EEF1AKMT2: variants seen among roughly 807,000 people sequenced by gnomAD.
EEF1AKMT2 encodes eukaryotic translation elongation factor 1 alpha lysine methyltransferase 2.
Under a neutral mutation model 35.8 loss-of-function variants are expected in EEF1AKMT2, and 32 were observed. The ratio of observed to expected loss-of-function variants is 0.89; its 90% CI spans 0.67 to 1.20. The LOEUF is 1.20. Among genes scored for constraint, EEF1AKMT2 ranks in the 50% most tolerant of loss-of-function variants. The pLI, the probability that EEF1AKMT2 is intolerant of heterozygous loss-of-function variation, is 0.00. For missense variants in EEF1AKMT2, 330 were observed against 347.5 expected (o/e 0.95, Z 0.40); for synonymous variants, 121 against 133.7 (o/e 0.91, Z 0.65).
rs2134131227 is a variant in EEF1AKMT2 at position 124,774,560 on chromosome 10, A to G, written c.399+115T>C. 7.6e-6 allele frequency: 4 copies of G among 523,486 alleles called. No individual in the cohort carries two copies. The South Asian group carries it at 2.3e-4, about 30-fold the overall frequency. 32.4% of individuals were successfully genotyped at this position (523,486 alleles called of 1,614,324 possible). On this transcript the variant is annotated intron_variant, in intron 4 of 6. Coordinates refer to ENST00000368836, the MANE Select transcript of EEF1AKMT2 (RefSeq NM_212554.4). ...AATATGGCTATTTAAAAATGTTTCAATTTGTATTATTTATGATTGATCCCT... is the reference window on the plus strand; with the variant it reads ...AATATGGCTATTTAAAAATGTTTCAGTTTGTATTATTTATGATTGATCCCT...
intron 3 of EEF1AKMT2, among the ~76,000 whole-genome samples, chr10:124,780,803 A>G (rs760624235): frequency 6.6e-6 from 1 of 152,218 alleles, no homozygotes; most frequent in Non-Finnish European, 1.5e-5. Context: ...AAGCCACAGC[A>G]CACATCATAA....
chr10:124,787,345 A>C (rs1052853817), intron 3 of EEF1AKMT2, among the ~76,000 whole-genome samples: 1 of 146,106 alleles, frequency 6.8e-6, no homozygotes, highest in Non-Finnish European at 1.5e-5. Flanking sequence ...AGGCACGAGA[A>C]CCACTTGAAC....
chr10:124,765,757 T>A, intron 4 of EEF1AKMT2, 149 bp from the exon 5 acceptor site: 1 of 612,864 alleles, frequency 1.6e-6, no homozygotes, highest in South Asian at 2.1e-5. Context: ...ACTTTATAGC[T>A]AACTTTTATG....
At chr10:124,774,583 C>A (rs888216272) in intron 4 of EEF1AKMT2, 92 bp downstream of exon 4, 1 of 606,084 alleles carries the variant, frequency 1.6e-6, no homozygotes, top group Non-Finnish European at 2.4e-6. Flanking sequence ...ATGATTGATC[C>A]CTAATTTATG....
At chr10:124,789,240 T>A (rs2134146555) in intron 2 of EEF1AKMT2, 83 bp from the exon 3 acceptor site, 1 of 830,090 alleles carries the variant, frequency 1.2e-6, no homozygotes, top group East Asian at 2.6e-5. Flanking sequence ...TTATACCATA[T>A]GCTCAAACTC....
chr10:124,788,338 G>A (rs1950605024), intron 3 of EEF1AKMT2, among the ~76,000 whole-genome samples: 1 of 151,964 alleles, frequency 6.6e-6, no homozygotes, highest in Non-Finnish European at 1.5e-5. Flanking sequence ...ATCAAGTGAT[G>A]GCACAACTGT....
At position 124,788,895 on chromosome 10, in the gene EEF1AKMT2, T is replaced by C. The variant is rs756934847; in HGVS notation, c.291+148A>G. On this transcript the variant is annotated intron_variant, in intron 3 of 6. Coordinates refer to ENST00000368836, the MANE Select transcript of EEF1AKMT2 (RefSeq NM_212554.4). ...ATTGCCTAGGTTCTCTCACAATCCA[T>C]GTAGCCTCCCTTTTGTACTATCTGA... The C allele has an allele frequency of 5.6e-5, 33 of 589,808 alleles. No individual in the cohort carries two copies. The Admixed American group carries it at 8.8e-4, about 16-fold the overall frequency. The allele number at this position is 589,808 out of a possible 1,614,324, so 36.5% of individuals were successfully genotyped here.
At chr10:124,791,060 C>T (rs1270490821) in intron 1 of EEF1AKMT2, among the ~76,000 whole-genome samples, 1 of 152,086 alleles carries the variant, frequency 6.6e-6, no homozygotes, top group African/African-American at 2.4e-5. Flanking sequence ...ACCACGCACC[C>T]GGCCCTCTGA....
chr10:124,757,837 T>C lies in EEF1AKMT2; in HGVS notation c.*2666A>G, dbSNP rs1222083502. On this transcript the variant is annotated 3_prime_UTR_variant, in exon 7 of 7. Coordinates refer to ENST00000368836, the MANE Select transcript of EEF1AKMT2 (RefSeq NM_212554.4). ...ATCATTCAAGGACAATTTGTACTTATTTTTAAATGGCTTTAGTCAGGCTGC... is the reference window on the plus strand; with the variant it reads ...ATCATTCAAGGACAATTTGTACTTACTTTTAAATGGCTTTAGTCAGGCTGC... The C allele has an allele frequency of 6.6e-6, 1 of 152,160 alleles. No individual in the cohort carries two copies. The highest frequency in any genetic ancestry group is 1.9e-4 in the East Asian group (1 of 5,204). The allele number at this position is 152,160 out of a possible 1,614,324, so 9.4% of individuals were successfully genotyped here.
chr10:124,776,984 A>C (rs1295860663), intron 3 of EEF1AKMT2, among the ~76,000 whole-genome samples: 1 of 152,084 alleles, frequency 6.6e-6, no homozygotes, highest in Admixed American at 6.6e-5. Flanking sequence ...AAAGAATATC[A>C]AAGACATAAT....
intron 3 of EEF1AKMT2, among the ~76,000 whole-genome samples, chr10:124,786,333 C>T (rs567224416): frequency 2.6e-5 from 4 of 151,866 alleles, no homozygotes; most frequent in African/African-American, 9.7e-5. Flanking sequence ...AGTGAAACCC[C>T]GTCTCTACTG....
chr10:124,756,257 T>C (rs766801930), downstream of EEF1AKMT2, among the ~76,000 whole-genome samples: 1 of 152,202 alleles, frequency 6.6e-6, no homozygotes, highest in Non-Finnish European at 1.5e-5. Context: ...AAAATGTAGA[T>C]TTTGGCTTTT....
chr10:124,776,150 T>C (rs568612557), intron 3 of EEF1AKMT2, among the ~76,000 whole-genome samples: 2 of 152,270 alleles, frequency 1.3e-5, no homozygotes, highest in South Asian at 4.2e-4. Flanking sequence ...CTTGATCTCC[T>C]GACCTCGTGA....
At chr10:124,782,669 G>GT (rs1950552680) in intron 3 of EEF1AKMT2, among the ~76,000 whole-genome samples, 1 of 150,446 alleles carries the variant, frequency 6.6e-6, no homozygotes, top group South Asian at 2.1e-4. Context: ...AAAAGTAGCC[G>GT]TGTGTGGTGG....
chr10:124,758,498 T>C lies in EEF1AKMT2; in HGVS notation c.*2005A>G, dbSNP rs1173582653. 1.6e-5 allele frequency: 2 copies of C among 125,452 alleles called. No homozygotes were observed. The highest frequency in any genetic ancestry group is 3.4e-5 in the Non-Finnish European group (2 of 59,194). 7.8% of individuals were successfully genotyped at this position (125,452 alleles called of 1,614,324 possible). ...CTTTTCCTAACCTTATCAAAAGCTC[T>C]ATGGTTAAAAAAAAAAAAAAAAAGA... On this transcript the variant is annotated 3_prime_UTR_variant, in exon 7 of 7. Coordinates refer to ENST00000368836, the MANE Select transcript of EEF1AKMT2 (RefSeq NM_212554.4).
chr10:124,769,839 C>A (rs1589782617), intron 4 of EEF1AKMT2, among the ~76,000 whole-genome samples: 1 of 149,840 alleles, frequency 6.7e-6, no homozygotes, highest in Non-Finnish European at 1.5e-5. Flanking sequence ...CCCAGCTACT[C>A]GGAGGCTGAG....
intron 3 of EEF1AKMT2, among the ~76,000 whole-genome samples, chr10:124,788,717 T>TATATATATATATATATATATATATATAC (rs1950609620): frequency 9.9e-6 from 1 of 100,518 alleles, no homozygotes; most frequent in Non-Finnish European, 2.0e-5. Context: ...TCTTTATATA[T>TATATATATATATATATATATATATATAC]ATATATATAT....
At position 124,758,150 on chromosome 10, in the gene EEF1AKMT2, T is replaced by C. The variant is rs866819278; in HGVS notation, c.*2353A>G. 5.9e-5 allele frequency: 9 copies of C among 152,284 alleles called. No homozygotes were observed. Among genetic ancestry groups the C allele is most frequent in the Middle Eastern group, 3.4e-3 (1 of 294 alleles). 9.4% of individuals were successfully genotyped at this position (152,284 alleles called of 1,614,324 possible). A position where few individuals can be genotyped will look rare whatever the true frequency, so the allele number is the denominator to read the frequency against. ...AACAAGTTTCCTCAAAGTAAGCGTC[T>C]TTCGATTAAATGAAATCACAATTCC... On this transcript the variant is annotated 3_prime_UTR_variant, in exon 7 of 7. Coordinates refer to ENST00000368836, the MANE Select transcript of EEF1AKMT2 (RefSeq NM_212554.4).
chr10:124,768,587 A>C (rs1564902005), intron 4 of EEF1AKMT2, among the ~76,000 whole-genome samples: 1 of 152,102 alleles, frequency 6.6e-6, no homozygotes, highest in Non-Finnish European at 1.5e-5. Context: ...TCTACTAAAA[A>C]AATACGAAGA....
Sources: allele counts gnomAD v4.1 joint callset (sites outside exome capture counted in the v4.1 genomes callset), GRCh38; gene constraint gnomAD v4.1.1; transcripts MANE v1.5; gene names NCBI Gene and HGNC (gene_info 2026-07-23, HGNC 2026-07-21).